TAS2R1: variants seen among roughly 807,000 people sequenced by gnomAD.
TAS2R1 encodes taste 2 receptor member 1.
For synonymous variants in TAS2R1, 141 were observed against 134.2 expected, an observed-to-expected ratio of 1.05 and a Z score of -0.35; for missense variants, 370 against 353.4, an observed-to-expected ratio of 1.05 and a Z score of -0.38.
At chr5:9,715,991 A>C (rs566320699), upstream of TAS2R1, among the ~76,000 whole-genome samples, 8 of 152,350 alleles carry the variant, frequency 5.3e-5, no homozygotes, top group South Asian at 1.4e-3. Flanking sequence ...GGAGTGACAC[A>C]TACTCTTTTA....
chr5:9,721,756 T>C, the TAS2R1 span, among the ~76,000 whole-genome samples: 1 of 152,244 alleles, frequency 6.6e-6, no homozygotes, highest in African/African-American at 2.4e-5. Context: ...GAAAAGCAAA[T>C]ATGATATTAT....
chr5:9,658,140 C>T (rs1740453544), intron 2 of TAS2R1, among the ~76,000 whole-genome samples: 1 of 152,126 alleles, frequency 6.6e-6, no homozygotes, highest in Admixed American at 6.5e-5. Flanking sequence ...GGAATGAAAG[C>T]AATAATAGTA....
the TAS2R1 span, among the ~76,000 whole-genome samples, chr5:9,830,334 T>G: frequency 6.6e-6 from 1 of 151,974 alleles, no homozygotes; most frequent in South Asian, 2.1e-4. Flanking sequence ...GGTAGGTAGA[T>G]AGTTGACAGA....
At chr5:9,694,212 C>A (rs1176793591) in intron 1 of TAS2R1, among the ~76,000 whole-genome samples, 1 of 151,520 alleles carries the variant, frequency 6.6e-6, no homozygotes, top group Non-Finnish European at 1.5e-5. Context: ...CAGCTGTTGG[C>A]AATAAGAAAG....
At chr5:9,705,724 G>C (rs775839558) in intron 1 of TAS2R1, among the ~76,000 whole-genome samples, 1 of 152,158 alleles carries the variant, frequency 6.6e-6, no homozygotes, top group Non-Finnish European at 1.5e-5. Context: ...GCCGGGCATC[G>C]TGGTGCATGT....
At chr5:9,839,456 C>A in the TAS2R1 span, among the ~76,000 whole-genome samples, 2 of 152,194 alleles carry the variant, frequency 1.3e-5, no homozygotes, top group Non-Finnish European at 2.9e-5. Context: ...GTCCATTACT[C>A]TTTTTATTCC....
At chr5:9,779,880 G>T in the TAS2R1 span, among the ~76,000 whole-genome samples, 1 of 152,214 alleles carries the variant, frequency 6.6e-6, no homozygotes, top group Non-Finnish European at 1.5e-5. Flanking sequence ...CCTGCAAAGT[G>T]CAGTAAAGAG....
At chr5:9,727,994 G>A in the TAS2R1 span, among the ~76,000 whole-genome samples, 5 of 152,304 alleles carry the variant, frequency 3.3e-5, no homozygotes, top group African/African-American at 1.2e-4. Context: ...GGGAACAATG[G>A]AGACACATGA....
chr5:9,797,997 C>T, the TAS2R1 span, among the ~76,000 whole-genome samples: 3 of 152,130 alleles, frequency 2.0e-5, no homozygotes, highest in East Asian at 5.8e-4. Context: ...AATCGGGATA[C>T]CCATCAGCTG....
At chr5:9,713,656 T>C (rs1045937310), upstream of TAS2R1, 1 of 152,182 alleles carries the variant, frequency 6.6e-6, no homozygotes, top group Admixed American at 6.5e-5. Flanking sequence ...ATTTCTTTTG[T>C]AGTTTAATAA....
chr5:9,893,458 C>T, the TAS2R1 span, among the ~76,000 whole-genome samples: 1 of 152,186 alleles, frequency 6.6e-6, no homozygotes, highest in African/African-American at 2.4e-5. Flanking sequence ...GGTTGTTGGT[C>T]TTAAATGAGA....
intron 1 of TAS2R1, among the ~76,000 whole-genome samples, chr5:9,674,866 T>C (rs892918325): frequency 2.0e-4 from 31 of 151,708 alleles, no homozygotes; most frequent in African/African-American, 6.5e-4. Context: ...GGTGCAATAA[T>C]ACAAGAAAAG....
the TAS2R1 span, among the ~76,000 whole-genome samples, chr5:9,774,746 A>G: frequency 1.3e-5 from 2 of 152,246 alleles, no homozygotes; most frequent in Admixed American, 6.5e-5. Flanking sequence ...CTGGATTACC[A>G]GGCGGAGACT....
At chr5:9,810,461 A>T in the TAS2R1 span, among the ~76,000 whole-genome samples, 1 of 151,826 alleles carries the variant, frequency 6.6e-6, no homozygotes, top group Non-Finnish European at 1.5e-5. Context: ...CTTCCGGGGG[A>T]GGTTGGAAGT....
At chr5:9,780,004 G>A in the TAS2R1 span, among the ~76,000 whole-genome samples, 1 of 152,172 alleles carries the variant, frequency 6.6e-6, no homozygotes, top group Admixed American at 6.5e-5. Context: ...TCTGTGAAAG[G>A]CCAATCTTTC....
chr5:9,817,518 G>C, the TAS2R1 span, among the ~76,000 whole-genome samples: 1 of 152,076 alleles, frequency 6.6e-6, no homozygotes, highest in African/African-American at 2.4e-5. Flanking sequence ...TTTCTTTTGG[G>C]GGTGAGGGCA....
At chr5:9,806,997 A>G in the TAS2R1 span, among the ~76,000 whole-genome samples, 5 of 152,108 alleles carry the variant, frequency 3.3e-5, no homozygotes, top group African/African-American at 1.2e-4. Flanking sequence ...CATAATCTAT[A>G]CATCTGACAA....
intron 2 of TAS2R1, among the ~76,000 whole-genome samples, chr5:9,644,299 C>A (rs114948827): frequency 1.2e-3 from 187 of 152,160 alleles, no homozygotes; most frequent in Middle Eastern, 6.8e-3. Context: ...TTGCAGTAGA[C>A]CAGGCAAGGC....
At chr5:9,649,987 A>G (rs2126487453) in intron 2 of TAS2R1, among the ~76,000 whole-genome samples, 1 of 152,328 alleles carries the variant, frequency 6.6e-6, no homozygotes. Flanking sequence ...AGCCAACTTA[A>G]TTATAAGCAG....
Sources: allele counts gnomAD v4.1 joint callset (sites outside exome capture counted in the v4.1 genomes callset), GRCh38; gene constraint gnomAD v4.1.1; transcripts MANE v1.5; gene names NCBI Gene and HGNC (gene_info 2026-07-23, HGNC 2026-07-21).